FILIP1L: variants seen among roughly 807,000 people sequenced by gnomAD.
FILIP1L encodes filamin A-interacting protein 1-like.
FILIP1L carries 55 observed loss-of-function variants against 96.6 expected under a neutral mutation model. The observed-to-expected ratio is 0.57, with a 90% CI of 0.46 to 0.71. The LOEUF is 0.71. FILIP1L is among the 30% of genes least tolerant of loss of function. The pLI is 0.00. For missense variants in FILIP1L, 1,304 were observed against 1,321.2 expected (o/e 0.99, Z 0.20); for synonymous variants, 467 against 473.9 (o/e 0.99, Z 0.19).
At chr3:100,110,790 T>C (rs1210275271) in intron 1 of FILIP1L, among the ~76,000 whole-genome samples, 1 of 152,180 alleles carries the variant, frequency 6.6e-6, no homozygotes, top group African/African-American at 2.4e-5. Context: ...GATAAACTGC[T>C]TCTTCACAAC....
intron 4 of FILIP1L, among the ~76,000 whole-genome samples, chr3:99,905,415 ATCT>A (rs1335704546): frequency 6.6e-6 from 1 of 152,132 alleles, no homozygotes; most frequent in East Asian, 1.9e-4. Context: ...ACTAGGACTA[ATCT>A]TCTTGTCATC....
chr3:99,985,760 T>C (rs1052094929), intron 1 of FILIP1L, among the ~76,000 whole-genome samples: 1 of 152,136 alleles, frequency 6.6e-6, no homozygotes, highest in Non-Finnish European at 1.5e-5. Flanking sequence ...AGCTGGTTTT[T>C]GTATTTTTAC....
At chr3:99,874,304 T>TG (rs1263378670) in intron 4 of FILIP1L, 2 of 152,246 alleles carry the variant, frequency 1.3e-5, no homozygotes, top group African/African-American at 4.8e-5. Context: ...CAATAATTGA[T>TG]GGTTTCTGTT....
chr3:100,053,172 A>C (rs547040827), intron 1 of FILIP1L, among the ~76,000 whole-genome samples: 30 of 152,294 alleles, frequency 2.0e-4, no homozygotes, highest in African/African-American at 7.2e-4. Context: ...CACCATAGCA[A>C]GCCTTCTGCC....
chr3:99,977,424 A>G (rs1352747002), intron 1 of FILIP1L, among the ~76,000 whole-genome samples: 2 of 152,188 alleles, frequency 1.3e-5, no homozygotes, highest in Non-Finnish European at 2.9e-5. Flanking sequence ...TCAGAAAGGT[A>G]TGCTGGGGGC....
chr3:99,877,185 C>T (rs2107596867), intron 4 of FILIP1L, among the ~76,000 whole-genome samples: 1 of 152,298 alleles, frequency 6.6e-6, no homozygotes, highest in East Asian at 1.9e-4. Flanking sequence ...ACGTGGCATT[C>T]TTATTTGCAA....
chr3:100,075,888 G>A (rs938837178), intron 1 of FILIP1L, among the ~76,000 whole-genome samples: 1 of 151,992 alleles, frequency 6.6e-6, no homozygotes, highest in Non-Finnish European at 1.5e-5. Flanking sequence ...ATCCTTCTGG[G>A]GTATTAGGAT....
Position 99,829,527 on chromosome 3 carries a change from T to C in FILIP1L, c.*887A>G, listed in dbSNP as rs1473706373. On this transcript the variant is annotated 3_prime_UTR_variant, in exon 6 of 6. Coordinates refer to ENST00000477258, the MANE Select transcript of FILIP1L (RefSeq NM_001387850.1). The stretch of plus-strand genomic sequence containing the variant: ...GACCTGAGGAATTATTTCACTTTCC[T>C]GTTTTACATGTGGAAACTCAAGGCT... Among the ~76,000 whole-genome samples, 6 of 152,234 alleles carry C rather than the reference T, an allele frequency of 3.9e-5. No individual in the cohort carries two copies. The highest frequency in any genetic ancestry group is 1.4e-4 in the African/African-American group (6 of 41,464).
intron 1 of FILIP1L, among the ~76,000 whole-genome samples, chr3:100,005,274 TCA>T (rs1220179505): frequency 6.6e-6 from 1 of 152,208 alleles, no homozygotes; most frequent in Non-Finnish European, 1.5e-5. Flanking sequence ...TGTTTTTGGC[TCA>T]ATATTCAGTG....
intron 3 of FILIP1L, among the ~76,000 whole-genome samples, chr3:99,926,116 A>G (rs1250243658): frequency 1.3e-5 from 2 of 152,230 alleles, no homozygotes; most frequent in Non-Finnish European, 2.9e-5. Flanking sequence ...TTTAAAGCCA[A>G]TTTAAGTTGT....
chr3:100,091,007 C>T (rs1005504582), intron 1 of FILIP1L, among the ~76,000 whole-genome samples: 3 of 152,278 alleles, frequency 2.0e-5, no homozygotes, highest in South Asian at 2.1e-4. Context: ...ACCTTAGGCC[C>T]GGGCACAGTG....
At chr3:99,931,136 C>T in intron 1 of FILIP1L, 106 bp from the exon 2 acceptor site, 2 of 907,904 alleles carry the variant, frequency 2.2e-6, no homozygotes, top group Admixed American at 2.4e-5. Flanking sequence ...TTTACCACAG[C>T]CCCAAAGTCA....
chr3:99,864,877 G>A (rs1446973729), intron 4 of FILIP1L, among the ~76,000 whole-genome samples: 2 of 152,100 alleles, frequency 1.3e-5, no homozygotes, highest in African/African-American at 4.8e-5. Flanking sequence ...CTACTAGAAT[G>A]TAAACTACAT....
chr3:100,111,858 T>A (rs1042773917), intron 1 of FILIP1L, among the ~76,000 whole-genome samples: 2 of 152,228 alleles, frequency 1.3e-5, no homozygotes, highest in African/African-American at 4.8e-5. Flanking sequence ...ATTCAATTAT[T>A]TGATGCTGAG....
intron 1 of FILIP1L, among the ~76,000 whole-genome samples, chr3:100,111,367 C>T (rs978640121): frequency 2.0e-5 from 3 of 152,112 alleles, no homozygotes; most frequent in Non-Finnish European, 2.9e-5. Flanking sequence ...TGAGGCTGTG[C>T]GTTAGAGAAA....
Position 99,849,195 on chromosome 3 carries a change from T to C in FILIP1L, c.2481A>G (p.Leu827=). 1 of 1,614,142 alleles carries C rather than the reference T, an allele frequency of 6.2e-7. No homozygotes were observed. Among genetic ancestry groups the C allele is most frequent in the Admixed American group, 1.7e-5 (1 of 60,026 alleles). Residue 827 remains leucine (L), a synonymous_variant, in exon 5 of 6, where the codon TTA becomes TTG. Coordinates refer to ENST00000477258, the MANE Select transcript of FILIP1L (RefSeq NM_001387850.1). ...PLERAVINGQ[L]YEESENQDED... ...CGTCTTGATTCTCACTCTCCTCATA[T>C]AACTGACCATTGATGACTGCACGTT...
At chr3:100,019,121 G>C (rs1488622637) in intron 1 of FILIP1L, among the ~76,000 whole-genome samples, 1 of 152,114 alleles carries the variant, frequency 6.6e-6, no homozygotes, top group Non-Finnish European at 1.5e-5. Context: ...CAGTATGGAG[G>C]TTCCTCAGAA....
chr3:100,054,529 TATGTTATGTTATGTC>T (rs1559741173), intron 1 of FILIP1L, among the ~76,000 whole-genome samples: 1 of 151,592 alleles, frequency 6.6e-6, no homozygotes, highest in African/African-American at 2.4e-5. Flanking sequence ...TATGTTATGT[TATGTTATGTTATGTC>T]ATGTTATGTT....
intron 5 of FILIP1L, among the ~76,000 whole-genome samples, 160 bp from the exon 6 acceptor site, chr3:99,830,765 CAGTAA>C (rs1348034518): frequency 1.3e-5 from 2 of 152,156 alleles, no homozygotes; most frequent in Non-Finnish European, 2.9e-5. Context: ...AAAAGAATGT[CAGTAA>C]AGTAATCTGG....
Sources: allele counts gnomAD v4.1 joint callset (sites outside exome capture counted in the v4.1 genomes callset), GRCh38; gene constraint gnomAD v4.1.1; transcripts MANE v1.5; gene names NCBI Gene and HGNC (gene_info 2026-07-23, HGNC 2026-07-21).